TRAF2: variants seen among roughly 807,000 people sequenced by gnomAD.
The protein encoded by TRAF2 is TNF receptor-associated factor 2.
In TRAF2, 6 loss-of-function variants were observed where a neutral mutation model predicts 55.6. The observed-to-expected ratio is 0.11, with a 90% CI of 0.06 to 0.21. The LOEUF (loss-of-function observed/expected upper bound fraction) is 0.21, where lower values mean the gene tolerates loss of function less well. Ranked by LOEUF, TRAF2 falls within the 10% of genes least tolerant of loss-of-function variation. The pLI is 1.00. For synonymous variants in TRAF2, 329 were observed against 276.3 expected (o/e 1.19, Z -1.89); for missense variants, 561 against 684.5 (o/e 0.82, Z 2.01).
At position 136,920,222 on chromosome 9, in the gene TRAF2, CTG is replaced by C; in HGVS notation, c.679-8_679-7del. On this transcript the variant is annotated splice_polypyrimidine_tract_variant and intron_variant, in intron 7 of 10. Transcript: ENST00000247668. The stretch of plus-strand genomic sequence containing the variant: ...GGATGGAGCCAGCAGCCTCCCTGCC[CTG>C]TGTCCGCAGGTAGAGGGTGAGAAAC... The C allele has an allele frequency of 6.3e-7, 1 of 1,599,276 alleles. No homozygotes were observed. The highest frequency in any genetic ancestry group is 8.5e-7 in the Non-Finnish European group (1 of 1,172,060).
chr9:136,908,102 G>T lies in TRAF2; in HGVS notation c.399G>T (p.Leu133=). The change falls in exon 5 of 11, where the codon CTG becomes CTT. Residue 133 remains leucine, a synonymous_variant. Coordinates refer to ENST00000247668, the MANE Select transcript of TRAF2 (RefSeq NM_021138.4). ...ACGAAGGCCGCTGCCCGCTCATGCT[G>T]ACCGAATGTCCCGCGTGCAAAGGCC... ...SCHEGRCPLM[L]TECPACKGLV... 1 of 1,606,042 alleles carries T rather than the reference G, an allele frequency of 6.2e-7. No homozygotes were observed. Among genetic ancestry groups the T allele is most frequent in the Non-Finnish European group, 8.5e-7 (1 of 1,179,896 alleles).
At chr9:136,909,350 T>C (rs970437680) in intron 5 of TRAF2, among the ~76,000 whole-genome samples, 9 of 149,010 alleles carry the variant, frequency 6.0e-5, no homozygotes, top group Non-Finnish European at 1.2e-4. Context: ...ACAGGGTTCC[T>C]GCCTTTGGTG....
chr9:136,924,946 C>G (rs7860304), intron 10 of TRAF2, among the ~76,000 whole-genome samples: 1 of 151,922 alleles, frequency 6.6e-6, no homozygotes, highest in Non-Finnish European at 1.5e-5. Flanking sequence ...TCCATGTTGG[C>G]CAGGCTGGTC....
chr9:136,907,184 G>A (rs1490045743), intron 4 of TRAF2, among the ~76,000 whole-genome samples: 3 of 152,326 alleles, frequency 2.0e-5, no homozygotes, highest in African/African-American at 7.2e-5. Flanking sequence ...ATCTGTGGAC[G>A]TCCACAGTCC....
chr9:136,898,951 G>C, intron 2 of TRAF2, 23 bp downstream of exon 2: 2 of 1,581,582 alleles, frequency 1.3e-6, no homozygotes, highest in Middle Eastern at 2.1e-4. Context: ...TGCAGGCTGG[G>C]AGGAGGGGCA....
chr9:136,906,224 A>G (rs1285641375), intron 4 of TRAF2, among the ~76,000 whole-genome samples: 1 of 152,090 alleles, frequency 6.6e-6, no homozygotes, highest in African/African-American at 2.4e-5. Context: ...GGCTGCAGTG[A>G]CCTGTATTCT....
At chr9:136,904,148 TTTCTG>T (rs1302783259) in intron 4 of TRAF2, among the ~76,000 whole-genome samples, 1 of 152,220 alleles carries the variant, frequency 6.6e-6, no homozygotes. Context: ...ATTTTTTTCT[TTTCTG>T]GCTTATTTTA....
chr9:136,901,390 G>C (rs1264417116), intron 4 of TRAF2, among the ~76,000 whole-genome samples: 3 of 152,202 alleles, frequency 2.0e-5, no homozygotes, highest in East Asian at 3.8e-4. Flanking sequence ...ATAAACACGG[G>C]AAGTGTGATC....
At chr9:136,904,437 A>G (rs1445044830) in intron 4 of TRAF2, among the ~76,000 whole-genome samples, 1 of 151,720 alleles carries the variant, frequency 6.6e-6, no homozygotes, top group African/African-American at 2.4e-5. Flanking sequence ...ATGGAGTCTC[A>G]CTCTGTCGCC....
chr9:136,895,839 C>T (rs762309825), intron 1 of TRAF2, among the ~76,000 whole-genome samples: 1 of 114,960 alleles, frequency 8.7e-6, no homozygotes, highest in African/African-American at 3.7e-5. Flanking sequence ...GAGCGTAAGA[C>T]TCTGTTTAAG....
Position 136,909,979 on chromosome 9 carries a change from G to T in TRAF2, c.588G>T (p.Lys196Asn). 1 of 1,614,028 alleles carries T rather than the reference G, an allele frequency of 6.2e-7. No homozygotes were observed. Among genetic ancestry groups the T allele is most frequent in the South Asian group, 1.1e-5 (1 of 91,058 alleles). Reference sequence around the variant, plus strand: ...CTTGTGACGGCTGCGGCAAGAAGAAGATCCCCCGGGAGAAGGTGAGTGTCC... The same window carrying T: ...CTTGTGACGGCTGCGGCAAGAAGAATATCCCCCGGGAGAAGGTGAGTGTCC... ...PLTCDGCGKK[K>N]IPREKFQDHV... The change falls in exon 6 of 11, where the codon AAG becomes AAT. Residue 196 changes from lysine to asparagine, a missense_variant. Physicochemically the swap from Lys to Asn is moderately conservative, Grantham distance 94. This residue lies in a region of TRAF2 where 426 missense variants were observed against 476.8 expected (regional missense o/e 0.89). Coordinates refer to ENST00000247668, the MANE Select transcript of TRAF2 (RefSeq NM_021138.4).
intron 4 of TRAF2, among the ~76,000 whole-genome samples, chr9:136,907,016 C>T (rs1409271984): frequency 6.6e-6 from 1 of 152,252 alleles, no homozygotes; most frequent in African/African-American, 2.4e-5. Flanking sequence ...CGGGCAGAGC[C>T]CTCAAGACGG....
chr9:136,916,813 A>T, intron 7 of TRAF2, 198 bp downstream of exon 7: 1 of 592,138 alleles, frequency 1.7e-6, no homozygotes, highest in Non-Finnish European at 3.1e-6. Flanking sequence ...TCCTGGTGGC[A>T]TTGTAGTGCC....
At chr9:136,903,884 A>G (rs1038166426) in intron 4 of TRAF2, among the ~76,000 whole-genome samples, 7 of 152,202 alleles carry the variant, frequency 4.6e-5, no homozygotes, top group Admixed American at 3.9e-4. Context: ...GGGTTTCACC[A>G]TGTTAGCCAG....
chr9:136,908,246 GC>G lies in TRAF2; in HGVS notation c.528+16del, dbSNP rs1850005954. 6.4e-7 allele frequency: 1 copy of G among 1,553,398 alleles called. No individual in the cohort carries two copies. The highest frequency in any genetic ancestry group is 1.2e-5 in the South Asian group (1 of 86,702). On this transcript the variant is annotated intron_variant, in intron 5 of 10. Coordinates refer to ENST00000247668, the MANE Select transcript of TRAF2 (RefSeq NM_021138.4). ...CAGACGTGAAGGTGCGTGGGGTGGA[GC>G]AGCAGCCTGTGTGGCTGCAGCCATG...
intron 4 of TRAF2, among the ~76,000 whole-genome samples, chr9:136,901,348 G>GT (rs1849816202): frequency 1.3e-5 from 2 of 152,324 alleles, no homozygotes; most frequent in Non-Finnish European, 2.9e-5. Context: ...GAGCCCAAAG[G>GT]TAGAGGCAGC....
At chr9:136,903,042 C>G (rs564630570) in intron 4 of TRAF2, among the ~76,000 whole-genome samples, 7 of 152,266 alleles carry the variant, frequency 4.6e-5, no homozygotes, top group African/African-American at 1.7e-4. Flanking sequence ...CCTCGGCTCA[C>G]TGCAGCCTCC....
At chr9:136,891,035 G>A (rs1333632925) in intron 1 of TRAF2, among the ~76,000 whole-genome samples, 1 of 152,004 alleles carries the variant, frequency 6.6e-6, no homozygotes, top group Non-Finnish European at 1.5e-5. Context: ...CTCCCACCTC[G>A]GCCTCCTGAG....
chr9:136,892,172 T>C (rs1296393831), intron 1 of TRAF2, among the ~76,000 whole-genome samples: 1 of 151,580 alleles, frequency 6.6e-6, no homozygotes. Context: ...TCCTAAAGAA[T>C]GTGGTTTAAG....
Sources: allele counts gnomAD v4.1 joint callset (sites outside exome capture counted in the v4.1 genomes callset), GRCh38; gene constraint gnomAD v4.1.1; regional missense constraint gnomAD v4.1.1; transcripts MANE v1.5; gene names NCBI Gene and HGNC (gene_info 2026-07-23, HGNC 2026-07-21).